SLC71A2: variants seen among roughly 807,000 people sequenced by gnomAD.
SLC71A2 encodes the protein hippocampus abundant transcript-like 1.
the SLC71A2 span, chr9:94,429,045 G>A: frequency 8.0e-7 from 1 of 1,249,232 alleles, no homozygotes; most frequent in African/African-American, 1.5e-5. Flanking sequence ...ACCACAGTTT[G>A]TTTGTTTATT....
At chr9:94,439,542 AT>A in the SLC71A2 span, among the ~76,000 whole-genome samples, 222 of 142,560 alleles carry the variant, frequency 1.6e-3, no homozygotes, top group Middle Eastern at 3.5e-3. Context: ...CTATTAATAG[AT>A]TTTTTTTTTT....
At chr9:94,407,120 T>C in the SLC71A2 span, among the ~76,000 whole-genome samples, 1 of 142,940 alleles carries the variant, frequency 7.0e-6, no homozygotes, top group African/African-American at 2.6e-5. Context: ...AGTGTTTTTA[T>C]TATGAAAGTG....
chr9:94,441,234 A>G, the SLC71A2 span: 1 of 457,228 alleles, frequency 2.2e-6, no homozygotes. Flanking sequence ...TAATTTATAA[A>G]GAAAAGAGGT....
the SLC71A2 span, among the ~76,000 whole-genome samples, chr9:94,427,823 T>C: frequency 9.7e-5 from 14 of 144,524 alleles, no homozygotes; most frequent in Admixed American, 1.0e-3. Context: ...AGACAATGGG[T>C]TAATAATGGA....
the SLC71A2 span, among the ~76,000 whole-genome samples, chr9:94,447,135 A>T: frequency 2.6e-5 from 4 of 151,608 alleles, no homozygotes; most frequent in South Asian, 2.1e-4. Flanking sequence ...TACTGTGGAA[A>T]TTTTTTTTTC....
At chr9:94,413,235 G>GA in the SLC71A2 span, among the ~76,000 whole-genome samples, 2 of 152,006 alleles carry the variant, frequency 1.3e-5, no homozygotes, top group African/African-American at 4.8e-5. Flanking sequence ...TTCTGAACCA[G>GA]AAAAAGAAAA....
chr9:94,439,021 C>T, the SLC71A2 span, among the ~76,000 whole-genome samples: 47 of 75,836 alleles, frequency 6.2e-4, no homozygotes, highest in South Asian at 1.7e-3. Flanking sequence ...AATTTGAGTT[C>T]GTTTTTTTTT....
At chr9:94,403,197 C>T in the SLC71A2 span, among the ~76,000 whole-genome samples, 8 of 152,112 alleles carry the variant, frequency 5.3e-5, no homozygotes, top group Non-Finnish European at 8.8e-5. Flanking sequence ...AGTGCAATGG[C>T]GCGATCTCGG....
chr9:94,398,462 T>G, the SLC71A2 span, among the ~76,000 whole-genome samples: 3 of 152,194 alleles, frequency 2.0e-5, no homozygotes, highest in Non-Finnish European at 4.4e-5. Flanking sequence ...TCTTAATGAT[T>G]AACAACTTTT....
At chr9:94,459,093 C>T in the SLC71A2 span, 8 of 1,509,948 alleles carry the variant, frequency 5.3e-6, no homozygotes, top group Middle Eastern at 1.8e-4. Context: ...TTTGGGTAAT[C>T]TAGGAATAAT....
chr9:94,422,509 G>A, the SLC71A2 span, among the ~76,000 whole-genome samples: 1 of 152,120 alleles, frequency 6.6e-6, no homozygotes, highest in African/African-American at 2.4e-5. Context: ...ACATGTATAC[G>A]TGTTTCTTGG....
At chr9:94,422,876 A>G in the SLC71A2 span, among the ~76,000 whole-genome samples, 5 of 150,922 alleles carry the variant, frequency 3.3e-5, no homozygotes, top group Non-Finnish European at 7.4e-5. Context: ...GTTTGTCTCT[A>G]TACGCACACA....
the SLC71A2 span, among the ~76,000 whole-genome samples, chr9:94,397,049 C>A: frequency 5.3e-5 from 8 of 152,204 alleles, no homozygotes; most frequent in African/African-American, 1.9e-4. Context: ...GGATTATAGG[C>A]GTGAGCCACC....
At chr9:94,458,346 G>T in the SLC71A2 span, 1 of 1,611,794 alleles carries the variant, frequency 6.2e-7, no homozygotes, top group Non-Finnish European at 8.5e-7. Flanking sequence ...ATCATAACTG[G>T]AATAAGAGGA....
chr9:94,401,490 G>A, the SLC71A2 span, among the ~76,000 whole-genome samples: 16 of 151,932 alleles, frequency 1.1e-4, no homozygotes, highest in Middle Eastern at 3.4e-3. Flanking sequence ...CTTTTTATAG[G>A]CATATTTGCC....
chr9:94,381,823 A>T, the SLC71A2 span, among the ~76,000 whole-genome samples: 1 of 152,180 alleles, frequency 6.6e-6, no homozygotes, highest in African/African-American at 2.4e-5. Flanking sequence ...TAATAAAATA[A>T]AATAAATTGC....
the SLC71A2 span, among the ~76,000 whole-genome samples, chr9:94,428,079 T>C: frequency 4.0e-5 from 6 of 151,194 alleles, no homozygotes; most frequent in Non-Finnish European, 5.9e-5. Flanking sequence ...GCTGAGATTG[T>C]ACCACTGCAC....
At chr9:94,409,661 C>T in the SLC71A2 span, among the ~76,000 whole-genome samples, 1 of 152,098 alleles carries the variant, frequency 6.6e-6, no homozygotes, top group Non-Finnish European at 1.5e-5. Flanking sequence ...TGGTGTGTTA[C>T]ATTTTCATTT....
At chr9:94,384,137 AAAC>A in the SLC71A2 span, among the ~76,000 whole-genome samples, 3 of 152,150 alleles carry the variant, frequency 2.0e-5, no homozygotes, top group Non-Finnish European at 2.9e-5. Flanking sequence ...TATACCCATG[AAAC>A]AACAACTCCA....
Sources: gnomAD v4.1 joint callset for allele counts (sites outside exome capture counted in the v4.1 genomes callset) on GRCh38, gnomAD v4.1.1 for gene constraint, MANE v1.5 for transcripts, NCBI Gene and HGNC (gene_info 2026-07-23, HGNC 2026-07-21) for gene names.